The following RGS7 variants were observed in gnomAD, a reference collection of about 807,000 sequenced individuals.
RGS7 encodes regulator of G protein signaling 7.
A neutral mutation model predicts 81.1 loss-of-function variants in RGS7; 27 were observed. The observed-to-expected ratio is 0.33, with a 90% CI of 0.25 to 0.46. The LOEUF is 0.46. Among genes scored for constraint, RGS7 ranks in the 20% least tolerant of loss-of-function variants. RGS7 has a pLI of 1.00. For missense variants in RGS7, 396 were observed against 607.4 expected (o/e 0.65, Z 3.66); for synonymous variants, 208 against 207.7 (o/e 1.00, Z -0.01).
chr1:240,945,377 G>A (rs1678431531), intron 4 of RGS7, among the ~76,000 whole-genome samples: 1 of 152,126 alleles, frequency 6.6e-6, no homozygotes, highest in Admixed American at 6.5e-5. Flanking sequence ...AATAGGAACT[G>A]GTTTTATGAG....
intron 3 of RGS7, among the ~76,000 whole-genome samples, chr1:241,094,609 C>CAAAAGA (rs1558709477): frequency 6.6e-6 from 1 of 151,656 alleles, no homozygotes; most frequent in South Asian, 2.1e-4. Context: ...ACTCTAAAAC[C>CAAAAGA]AAAACAAAAA....
chr1:240,930,923 CTT>C (rs751410828), intron 5 of RGS7, among the ~76,000 whole-genome samples, 155 bp from the exon 6 acceptor site: 12 of 152,156 alleles, frequency 7.9e-5, no homozygotes, highest in Non-Finnish European at 1.5e-4. Context: ...ATTGAAAACT[CTT>C]TGTCTACATG....
intron 9 of RGS7, among the ~76,000 whole-genome samples, chr1:240,866,510 CAAAA>C (rs35934752): frequency 1.9e-5 from 2 of 107,452 alleles, no homozygotes; most frequent in East Asian, 2.9e-4. Context: ...GACTCCGTCT[CAAAA>C]AAAAAAAAAA....
intron 2 of RGS7, among the ~76,000 whole-genome samples, chr1:241,220,268 C>A (rs1442190973): frequency 6.6e-6 from 1 of 152,184 alleles, no homozygotes; most frequent in African/African-American, 2.4e-5. Context: ...GAATTCTTAC[C>A]CTTGTTACAT....
chr1:241,206,248 G>C (rs1050824140), intron 2 of RGS7, among the ~76,000 whole-genome samples: 1 of 55,528 alleles, frequency 1.8e-5, no homozygotes, highest in Admixed American at 1.8e-4. Context: ...TTTTTTTTTT[G>C]AGACAGAGTT....
At chr1:240,842,388 C>T (rs574663679) in intron 9 of RGS7, among the ~76,000 whole-genome samples, 5 of 150,960 alleles carry the variant, frequency 3.3e-5, no homozygotes, top group Admixed American at 6.6e-5. Context: ...TAGTAGAGAC[C>T]ACCATGTTGG....
chr1:240,924,925 A>G (rs1243794390), intron 6 of RGS7, among the ~76,000 whole-genome samples: 1 of 152,182 alleles, frequency 6.6e-6, no homozygotes, highest in East Asian at 1.9e-4. Context: ...AATTAATGCA[A>G]AAAGTTCAAA....
At chr1:241,123,258 T>G (rs1317924752) in intron 2 of RGS7, among the ~76,000 whole-genome samples, 1 of 152,166 alleles carries the variant, frequency 6.6e-6, no homozygotes, top group Non-Finnish European at 1.5e-5. Flanking sequence ...CATTCATTAT[T>G]TAATCAGCCT....
chr1:241,099,791 G>A (rs1032856564), intron 2 of RGS7, among the ~76,000 whole-genome samples: 13 of 152,100 alleles, frequency 8.5e-5, no homozygotes, highest in African/African-American at 9.7e-5. Flanking sequence ...ACTGGGCACC[G>A]TGGATATGAA....
intron 9 of RGS7, among the ~76,000 whole-genome samples, chr1:240,854,557 CGTCTGGACTTTT>C (rs1660728154): frequency 6.6e-6 from 1 of 152,196 alleles, no homozygotes; most frequent in Non-Finnish European, 1.5e-5. Flanking sequence ...CGCTACGCCT[CGTCTGGACTTTT>C]CAGACGGCAG....
intron 9 of RGS7, among the ~76,000 whole-genome samples, chr1:240,836,011 T>C (rs1403447221): frequency 1.3e-5 from 2 of 152,198 alleles, no homozygotes; most frequent in African/African-American, 2.4e-5. Context: ...TGAATACATG[T>C]CATTATACAT....
At chr1:240,989,934 A>T (rs1486454060) in intron 3 of RGS7, among the ~76,000 whole-genome samples, 1 of 152,200 alleles carries the variant, frequency 6.6e-6, no homozygotes, top group Non-Finnish European at 1.5e-5. Context: ...CTTTCTGGAC[A>T]TCTTCATTTC....
intron 10 of RGS7, among the ~76,000 whole-genome samples, chr1:240,825,088 T>A (rs1056845892): frequency 6.6e-6 from 1 of 152,180 alleles, no homozygotes; most frequent in Non-Finnish European, 1.5e-5. Context: ...GCAGACTACA[T>A]GAAGCTTAAC....
intron 2 of RGS7, among the ~76,000 whole-genome samples, chr1:241,285,537 A>G (rs2078763037): frequency 6.6e-6 from 1 of 152,224 alleles, no homozygotes; most frequent in African/African-American, 2.4e-5. Context: ...TAATTCTCAC[A>G]ATAACCTTTT....
At chr1:241,066,699 A>G (rs2062082754) in intron 3 of RGS7, among the ~76,000 whole-genome samples, 2 of 152,298 alleles carry the variant, frequency 1.3e-5, no homozygotes, top group Non-Finnish European at 2.9e-5. Flanking sequence ...ACTAAAAGGC[A>G]CTCACTGAAG....
At chr1:241,098,172 C>G (rs2064426734) in intron 3 of RGS7, among the ~76,000 whole-genome samples, 1 of 152,186 alleles carries the variant, frequency 6.6e-6, no homozygotes, top group African/African-American at 2.4e-5. Flanking sequence ...CACAGACCCT[C>G]ATAACCTGAC....
intron 10 of RGS7, among the ~76,000 whole-genome samples, chr1:240,817,420 C>T (rs1435402290): frequency 1.3e-5 from 2 of 152,074 alleles, no homozygotes; most frequent in African/African-American, 4.8e-5. Context: ...CTAATGATGC[C>T]AATTTTCAGG....
chr1:241,195,737 A>G (rs957298042), intron 2 of RGS7, among the ~76,000 whole-genome samples: 2 of 151,780 alleles, frequency 1.3e-5, no homozygotes, highest in Non-Finnish European at 1.5e-5. Context: ...TAAGACATAC[A>G]GGACTATTGA....
Position 240,839,469 on chromosome 1 carries a change from A to C in RGS7, c.610-12297T>G, listed in dbSNP as rs117214809. 1.0e-3 allele frequency among the ~76,000 whole-genome samples: 157 copies of C among 152,360 alleles called. No individual in the cohort carries two copies. In the East Asian group the frequency reaches 0.028, roughly 27 times the overall value. On this transcript the variant is annotated intron_variant, in intron 9 of 18. Transcript: ENST00000440928. ...AAGTCTCAAAACTGTAACAAATAAAATGTGGACAAGTTCTCATGATATATT... is the reference window on the plus strand; with the variant it reads ...AAGTCTCAAAACTGTAACAAATAAACTGTGGACAAGTTCTCATGATATATT...
Sources: allele counts gnomAD v4.1 joint callset (sites outside exome capture counted in the v4.1 genomes callset), GRCh38; gene constraint gnomAD v4.1.1; transcripts MANE v1.5; gene names NCBI Gene and HGNC (gene_info 2026-07-23, HGNC 2026-07-21).